CLDN14: variants seen among roughly 807,000 people sequenced by gnomAD.
The protein encoded by CLDN14 is claudin 14, also known as claudin-14.
In CLDN14, 2 loss-of-function variants were observed where a neutral mutation model predicts 2.1. That is an observed-to-expected ratio of 0.96 (90% CI 0.39 to 3.01). The LOEUF (loss-of-function observed/expected upper bound fraction) is 3.01. Ranked by LOEUF, CLDN14 falls within the 30% of genes most tolerant of loss-of-function variation. CLDN14 has a pLI of 0.09. For missense variants in CLDN14, 298 were observed against 328.0 expected, an observed-to-expected ratio of 0.91 and a Z score of 0.71; for synonymous variants, 136 against 154.4, an observed-to-expected ratio of 0.88 and a Z score of 0.88.
intron 1 of CLDN14, among the ~76,000 whole-genome samples, chr21:36,568,245 C>A (rs1352793269): frequency 6.6e-6 from 1 of 152,186 alleles, no homozygotes; most frequent in Non-Finnish European, 1.5e-5. Flanking sequence ...AAGGGTTCTA[C>A]TTGACCTGTG....
intron 1 of CLDN14, among the ~76,000 whole-genome samples, chr21:36,528,369 G>T (rs566443599): frequency 5.7e-4 from 87 of 152,272 alleles, no homozygotes; most frequent in Admixed American, 1.0e-3. Flanking sequence ...GACAGTCCAC[G>T]TCCTACAGCC....
chr21:36,486,046 G>T, intron 2 of CLDN14: 2 of 1,432,102 alleles, frequency 1.4e-6, no homozygotes, highest in South Asian at 1.1e-5. Flanking sequence ...AGGCCAGGGA[G>T]CCCACAGCGT....
chr21:36,504,066 T>C (rs2087111066), intron 2 of CLDN14, among the ~76,000 whole-genome samples: 1 of 150,074 alleles, frequency 6.7e-6, no homozygotes, highest in African/African-American at 2.5e-5. Flanking sequence ...AGGCCAGATG[T>C]GGTGGCTCAT....
intron 1 of CLDN14, among the ~76,000 whole-genome samples, chr21:36,469,938 C>T (rs1489695597): frequency 6.6e-6 from 1 of 152,070 alleles, no homozygotes; most frequent in Non-Finnish European, 1.5e-5. Context: ...TGCTATGTTG[C>T]TGTTTTTGTT....
At chr21:36,548,767 G>A (rs572654698) in intron 1 of CLDN14, among the ~76,000 whole-genome samples, 1 of 152,278 alleles carries the variant, frequency 6.6e-6, no homozygotes, top group East Asian at 1.9e-4. Context: ...GCCAAGGGTG[G>A]AAGAGCTAAG....
At chr21:36,468,557 T>C (rs2086673768) in intron 1 of CLDN14, among the ~76,000 whole-genome samples, 1 of 152,122 alleles carries the variant, frequency 6.6e-6, no homozygotes, top group African/African-American at 2.4e-5. Context: ...AGTGAGACTC[T>C]GTCTCAAACA....
chr21:36,474,859 C>T (rs923083357), intron 1 of CLDN14, among the ~76,000 whole-genome samples: 5 of 152,054 alleles, frequency 3.3e-5, no homozygotes, highest in South Asian at 2.1e-4. Flanking sequence ...CACTCCAGAA[C>T]GGGAGGGGAG....
At chr21:36,573,165 G>T (rs892425679) in intron 1 of CLDN14, among the ~76,000 whole-genome samples, 6 of 152,110 alleles carry the variant, frequency 3.9e-5, no homozygotes, top group Non-Finnish European at 8.8e-5. Flanking sequence ...GCCAGGCGTG[G>T]TGGTGGGCGC....
intron 2 of CLDN14, among the ~76,000 whole-genome samples, chr21:36,500,949 A>G (rs1037020030): frequency 2.6e-5 from 4 of 152,240 alleles, no homozygotes; most frequent in Admixed American, 2.6e-4. Context: ...CGCAGGGGGT[A>G]TGATTAGATC....
At chr21:36,464,684 C>T (rs971264446) in intron 1 of CLDN14, among the ~76,000 whole-genome samples, 9 of 152,340 alleles carry the variant, frequency 5.9e-5, no homozygotes, top group East Asian at 1.9e-4. Flanking sequence ...CTGAGCACAC[C>T]GATGGCACCA....
At chr21:36,549,860 C>T (rs1173710783) in intron 1 of CLDN14, among the ~76,000 whole-genome samples, 3 of 152,250 alleles carry the variant, frequency 2.0e-5, no homozygotes, top group Non-Finnish European at 4.4e-5. Context: ...GGCCTGCACA[C>T]TTTCCCACCC....
At chr21:36,535,889 G>T (rs2087420792) in intron 1 of CLDN14, among the ~76,000 whole-genome samples, 1 of 152,192 alleles carries the variant, frequency 6.6e-6, no homozygotes, top group Non-Finnish European at 1.5e-5. Flanking sequence ...GTACACCTTA[G>T]AGCAAACCCA....
chr21:36,477,230 C>G (rs1046088306), intron 1 of CLDN14: 3 of 152,252 alleles, frequency 2.0e-5, no homozygotes, highest in Admixed American at 6.5e-5. Flanking sequence ...CTGTCCCTGC[C>G]TGCTATGGAC....
At chr21:36,490,723 T>TG (rs1184704734) in intron 2 of CLDN14, among the ~76,000 whole-genome samples, 2 of 152,060 alleles carry the variant, frequency 1.3e-5, no homozygotes, top group Admixed American at 6.6e-5. Context: ...TTTGTAGAGA[T>TG]GGGGTCTCTC....
chr21:36,462,684 C>G (rs1265613585), intron 1 of CLDN14, among the ~76,000 whole-genome samples: 1 of 152,080 alleles, frequency 6.6e-6, no homozygotes, highest in African/African-American at 2.4e-5. Context: ...AATCCCAGCA[C>G]TTTGGGAGGC....
At chr21:36,514,870 T>C in intron 1 of CLDN14, among the ~76,000 whole-genome samples, 1 of 152,104 alleles carries the variant, frequency 6.6e-6, no homozygotes, top group East Asian at 1.9e-4. Context: ...CAAGGAAGAC[T>C]TGCTTACTCT....
chr21:36,564,279 G>C (rs1165938528), intron 1 of CLDN14, among the ~76,000 whole-genome samples: 4 of 152,248 alleles, frequency 2.6e-5, no homozygotes, highest in African/African-American at 7.2e-5. Context: ...ATCACCAGGT[G>C]CCCTACTTAA....
rs564851292 is a variant in CLDN14, at chr21:36,461,091, G to A, written c.605C>T (p.Thr202Met). ...RPYQAPPRAT[T>M]TTANTAPAYQ... ...GGCAGGTGCGGTGTTTGCAGTGGTC[G>A]TGGTGGCCCTGGGCGGGGCCTGGTA... The change falls in exon 2 of 2, where the codon ACG becomes ATG. Residue 202 changes from threonine (T) to methionine (M), a missense_variant. Transcript: ENST00000399135. 7.4e-5 allele frequency: 119 copies of A among 1,614,170 alleles called. No homozygotes were observed. In the South Asian group the frequency reaches 1.0e-3, roughly 14 times the overall value.
intron 2 of CLDN14, among the ~76,000 whole-genome samples, chr21:36,491,014 C>G (rs2086959427): frequency 6.6e-6 from 1 of 151,856 alleles, no homozygotes; most frequent in Admixed American, 6.6e-5. Context: ...ACATTGTTTT[C>G]TCAAAATGAC....
Sources: gnomAD v4.1 joint callset for allele counts (sites outside exome capture counted in the v4.1 genomes callset) on GRCh38, gnomAD v4.1.1 for gene constraint, MANE v1.5 for transcripts, NCBI Gene and HGNC (gene_info 2026-07-23, HGNC 2026-07-21) for gene names.